The following BIRC6 variants were observed in gnomAD, a reference collection of about 807,000 sequenced individuals.
The protein encoded by BIRC6 is baculoviral IAP repeat containing 6, also known as dual E2 ubiquitin-conjugating enzyme/E3 ubiquitin-protein ligase BIRC6.
A neutral mutation model predicts 503.3 loss-of-function variants in BIRC6; 98 were observed. The ratio of observed to expected loss-of-function variants is 0.19; its 90% CI spans 0.17 to 0.23. BIRC6 has a LOEUF of 0.23. Ranked by LOEUF, BIRC6 falls within the 10% of genes least tolerant of loss-of-function variation. The probability of loss-of-function intolerance (pLI) is 1.00; values close to 1 mark genes in which losing one functional copy is unlikely to be tolerated. For missense variants in BIRC6, 5,360 were observed against 5,806.0 expected (o/e 0.92, Z 2.50); for synonymous variants, 2,240 against 2,078.7 (o/e 1.08, Z -2.11).
chr2:32,512,849 C>G (rs542282943), intron 53 of BIRC6, 84 bp from the exon 54 acceptor site: 511 of 973,578 alleles, frequency 5.2e-4, no homozygotes, highest in Non-Finnish European at 7.7e-4. Context: ...ATACCCTACT[C>G]ACCATGCAGA....
In BIRC6 at chr2:32,585,797, G is replaced by A. The variant is rs147190655; in HGVS notation, c.13356-8118G>A. On this transcript the variant is annotated intron_variant, in intron 66 of 73. Transcript: ENST00000421745. ...TGCATTGTAATAAATACATAGTTGC[G>A]TATAGTTATATAAGAATATAAGGAG... Among the ~76,000 whole-genome samples, 26 of 152,158 alleles carry A rather than the reference G, an allele frequency of 1.7e-4. No individual in the cohort carries two copies. In the East Asian group the frequency reaches 3.3e-3, roughly 19 times the overall value.
chr2:32,454,895 C>G (rs1166947103), intron 23 of BIRC6, among the ~76,000 whole-genome samples: 1 of 152,004 alleles, frequency 6.6e-6, no homozygotes, highest in Non-Finnish European at 1.5e-5. Flanking sequence ...GATTAAAAAC[C>G]TAATATTTCC....
In BIRC6 at chr2:32,468,481, T is replaced by C. The variant is rs1158376938; in HGVS notation, c.5825T>C (p.Ile1942Thr). Residue 1942 changes from isoleucine (I) to threonine (T), a missense_variant, in exon 29 of 74, where the codon ATT (isoleucine) becomes ACT (threonine). Around this residue, in one of 16 missense-constraint regions of BIRC6, gnomAD observed 2,299 missense variants for 2,267.2 expected, o/e 1.01. Transcript: ENST00000421745. Reference protein sequence around the residue: ...CHRLETLLQSIDLPPLNSANN... With the variant: ...CHRLETLLQSTDLPPLNSANN... ...CGTCTGGAAACCCTTTTGCAAAGTA[T>C]TGATCTTCCTCCTCTAAACAGTGCT... 5 of 1,606,816 alleles carry C rather than the reference T, an allele frequency of 3.1e-6. No individual in the cohort carries two copies. The highest frequency in any genetic ancestry group is 3.4e-5 in the Admixed American group (2 of 58,774).
chr2:32,430,805 C>T (rs367657542), intron 11 of BIRC6, 60 bp from the exon 12 acceptor site: 105 of 484,550 alleles, frequency 2.2e-4, no homozygotes, highest in Middle Eastern at 6.4e-4. Flanking sequence ...TCATTGTCTT[C>T]TTTTTTTTTT....
At chr2:32,457,339 C>T (rs1192920098) in intron 23 of BIRC6, among the ~76,000 whole-genome samples, 2 of 152,212 alleles carry the variant, frequency 1.3e-5, no homozygotes, top group African/African-American at 4.8e-5. Context: ...CTGTTTAAGT[C>T]TGCCATGATT....
At chr2:32,553,840 ATTTG>A (rs1418202355) in intron 65 of BIRC6, among the ~76,000 whole-genome samples, 4 of 152,204 alleles carry the variant, frequency 2.6e-5, no homozygotes, top group African/African-American at 9.6e-5. Context: ...TGCTTTAATA[ATTTG>A]TTTCTTATTG....
chr2:32,605,692 T>A (rs2062401882), intron 71 of BIRC6, among the ~76,000 whole-genome samples: 1 of 152,040 alleles, frequency 6.6e-6, no homozygotes, highest in Non-Finnish European at 1.5e-5. Flanking sequence ...ACCCCATCTC[T>A]ACTAAAAATA....
intron 10 of BIRC6, among the ~76,000 whole-genome samples, chr2:32,421,347 T>C (rs927149820): frequency 2.6e-5 from 4 of 151,962 alleles, no homozygotes; most frequent in African/African-American, 9.7e-5. Flanking sequence ...CCTCGTGATC[T>C]GCCCGCCTTG....
chr2:32,545,098 T>C (rs2057963404), intron 62 of BIRC6, among the ~76,000 whole-genome samples: 1 of 152,136 alleles, frequency 6.6e-6, no homozygotes, highest in Non-Finnish European at 1.5e-5. Context: ...TTAGTGCATA[T>C]ACAATGAATT....
intron 45 of BIRC6, 69 bp from the exon 46 acceptor site, chr2:32,499,478 T>C: frequency 7.4e-7 from 1 of 1,357,974 alleles, no homozygotes; most frequent in South Asian, 1.5e-5. Context: ...TCGTTTAATT[T>C]TTAATCCTTT....
intron 5 of BIRC6, among the ~76,000 whole-genome samples, chr2:32,393,282 A>G (rs1381483602): frequency 6.6e-6 from 1 of 152,152 alleles, no homozygotes; most frequent in East Asian, 1.9e-4. Flanking sequence ...AGGAGAGTAT[A>G]AAGTGTAAGG....
intron 24 of BIRC6, among the ~76,000 whole-genome samples, chr2:32,463,813 G>C (rs1034902868): frequency 2.0e-5 from 3 of 152,194 alleles, no homozygotes; most frequent in African/African-American, 7.2e-5. Context: ...CCTGGGCCAT[G>C]GACCAGTACC....
intron 73 of BIRC6, among the ~76,000 whole-genome samples, chr2:32,612,610 A>G (rs557131355): frequency 1.3e-5 from 2 of 152,318 alleles, no homozygotes; most frequent in East Asian, 3.9e-4. Context: ...TTTTCAGGAC[A>G]TGTACAGAAA....
intron 22 of BIRC6, among the ~76,000 whole-genome samples, chr2:32,452,986 G>GTTT (rs948274533): frequency 6.6e-6 from 1 of 150,972 alleles, no homozygotes; most frequent in Non-Finnish European, 1.5e-5. Context: ...GTTAATGACA[G>GTTT]TTTTTATACC....
intron 22 of BIRC6, among the ~76,000 whole-genome samples, chr2:32,450,495 T>C (rs542493117): frequency 7.5e-4 from 114 of 152,312 alleles, no homozygotes; most frequent in African/African-American, 2.6e-3. Context: ...TCCACTTTAA[T>C]GTCTCATTGT....
At chr2:32,379,889 T>G (rs1228461553) in intron 2 of BIRC6, among the ~76,000 whole-genome samples, 1 of 152,054 alleles carries the variant, frequency 6.6e-6, no homozygotes, top group African/African-American at 2.4e-5. Flanking sequence ...TTTTTCTATC[T>G]TGATTTGGTT....
chr2:32,433,628 T>C lies in BIRC6; in HGVS notation c.3249-16T>C, dbSNP rs774127129. 5.9e-6 allele frequency: 9 copies of C among 1,528,358 alleles called. No individual in the cohort carries two copies. The African/African-American group carries it at 9.5e-5, about 16-fold the overall frequency. The allele number at this position is 1,528,358 out of a possible 1,614,324, so 94.7% of individuals were successfully genotyped here. A position where few individuals can be genotyped will look rare whatever the true frequency, so the allele number is the denominator to read the frequency against. ...AGATTTTTGCTTTATTTAGCATTTT[T>C]CCCCTTATTTGACAGCAACAGCTGG... On this transcript the variant is annotated splice_polypyrimidine_tract_variant and intron_variant, in intron 12 of 73. Transcript: ENST00000421745.
Position 32,525,543 on chromosome 2 carries a change from T to C in BIRC6, c.11835T>C (p.Asp3945=). Residue 3945 remains aspartate (D), a synonymous_variant, in exon 59 of 74, where the codon GAT becomes GAC. Coordinates refer to ENST00000421745, the MANE Select transcript of BIRC6 (RefSeq NM_016252.4). ...CCAGGAGGGGGAGGACAATACCTGA[T>C]AAAATAGGAAGTACTTCAGGAGCAG... The part of the protein sequence containing the change: ...PPSRRGRTIP[D]KIGSTSGAEA... 5 of 1,613,922 alleles carry C rather than the reference T, an allele frequency of 3.1e-6. No homozygotes were observed. The highest frequency in any genetic ancestry group is 3.3e-4 in the Middle Eastern group (2 of 6,060).
chr2:32,449,117 C>T, intron 22 of BIRC6, 189 bp downstream of exon 22: 1 of 531,178 alleles, frequency 1.9e-6, no homozygotes, highest in Non-Finnish European at 3.1e-6. Flanking sequence ...AAGAAAATCC[C>T]AGTATATTAA....
Sources: allele counts gnomAD v4.1 joint callset (sites outside exome capture counted in the v4.1 genomes callset), GRCh38; gene constraint gnomAD v4.1.1; regional missense constraint gnomAD v4.1.1; transcripts MANE v1.5; gene names NCBI Gene and HGNC (gene_info 2026-07-23, HGNC 2026-07-21).